SNW1: variants seen among roughly 807,000 people sequenced by gnomAD.
SNW1 encodes SNW domain-containing protein 1.
In SNW1, 9 loss-of-function variants were observed where a neutral mutation model predicts 75.6. The ratio of observed to expected loss-of-function variants is 0.12; its 90% confidence interval spans 0.07 to 0.21. The LOEUF is 0.21. Among genes scored for constraint, SNW1 ranks in the 10% least tolerant of loss-of-function variants. The pLI is 1.00. For synonymous variants in SNW1, 200 were observed against 219.1 expected, an observed-to-expected ratio of 0.91 and a Z score of 0.77; for missense variants, 409 against 670.9, an observed-to-expected ratio of 0.61 and a Z score of 4.31.
intron 3 of SNW1, among the ~76,000 whole-genome samples, chr14:77,749,444 C>T (rs533814799): frequency 3.6e-4 from 55 of 152,212 alleles, no homozygotes; most frequent in African/African-American, 1.3e-3. Flanking sequence ...CAGAACACTG[C>T]GAGTAGGTAC....
chr14:77,741,886 A>C (rs1370619623), intron 3 of SNW1, among the ~76,000 whole-genome samples: 2 of 152,182 alleles, frequency 1.3e-5, no homozygotes, highest in African/African-American at 2.4e-5. Context: ...AATTTAGCAT[A>C]CAAGAGTCAT....
intron 3 of SNW1, among the ~76,000 whole-genome samples, chr14:77,747,474 G>A (rs1354813447): frequency 6.6e-6 from 1 of 151,666 alleles, no homozygotes; most frequent in Non-Finnish European, 1.5e-5. Context: ...GAAGTGAGGA[G>A]CGTCTCTGCC....
At chr14:77,726,124 T>G (rs1347037670) in intron 10 of SNW1, among the ~76,000 whole-genome samples, 1 of 152,174 alleles carries the variant, frequency 6.6e-6, no homozygotes, top group African/African-American at 2.4e-5. Context: ...TGGGGTCTTT[T>G]GTGGTTCCAT....
chr14:77,747,675 G>A (rs558889860), intron 3 of SNW1, among the ~76,000 whole-genome samples: 15 of 151,040 alleles, frequency 9.9e-5, no homozygotes, highest in African/African-American at 3.4e-4. Context: ...GAGCGACTCC[G>A]CCCGGCAGCC....
chr14:77,750,012 G>C (rs945402642), intron 3 of SNW1, among the ~76,000 whole-genome samples: 1 of 152,026 alleles, frequency 6.6e-6, no homozygotes, highest in Non-Finnish European at 1.5e-5. Context: ...ACCAGCTTGA[G>C]TAACATAGGG....
In SNW1 at chr14:77,734,974, A is replaced by G; in HGVS notation, c.747T>C (p.Pro249=). 1 of 1,611,968 alleles carries G rather than the reference A, an allele frequency of 6.2e-7. No homozygotes were observed. Among genetic ancestry groups the G allele is most frequent in the East Asian group, 2.2e-5 (1 of 44,854 alleles). Residue 249 remains proline (P), a synonymous_variant, in exon 8 of 14, where the codon CCT becomes CCC. Coordinates refer to ENST00000261531, the MANE Select transcript of SNW1 (RefSeq NM_012245.3). ...VKEQQEWKIP[P]CISNWKNAKG... is the part of the protein sequence containing the mutation. ...TTGCATTTTTCCAGTTAGAAATACA[A>G]GGAGGAATCTTCCACTCTTGTTGTT... is the stretch of plus-strand genomic sequence containing the variant.
In SNW1 at chr14:77,736,526, G is replaced by C. The variant is rs187952814; in HGVS notation, c.638+445C>G. 9.4e-5 allele frequency among the ~76,000 whole-genome samples: 14 copies of C among 149,418 alleles called. No homozygotes were observed. The East Asian group carries it at 2.7e-3, about 29-fold the overall frequency. ...ATCATGCCACTGCACTCCAGCCTGG[G>C]TGACAGAGCGAGACTGTCTCTCAAA... On this transcript the variant is annotated intron_variant, in intron 6 of 13. Transcript: ENST00000261531.
At position 77,718,348 on chromosome 14, in the gene SNW1, G is replaced by A. The variant is rs867757272; in HGVS notation, c.1412+19C>T. On this transcript the variant is annotated intron_variant, in intron 13 of 13. Transcript: ENST00000261531. ...TTTCACCAGTGTAAACACTGAAATT[G>A]AGTTGTATGGCTTGGCACCTGTTGG... 2 of 1,614,160 alleles carry A rather than the reference G, an allele frequency of 1.2e-6. No homozygotes were observed. The highest frequency in any genetic ancestry group is 1.6e-4 in the Middle Eastern group (1 of 6,062).
intron 3 of SNW1, among the ~76,000 whole-genome samples, chr14:77,742,695 C>T (rs542594768): frequency 2.6e-5 from 4 of 151,852 alleles, no homozygotes; most frequent in African/African-American, 4.8e-5. Flanking sequence ...AGGGGTAATA[C>T]GTTGAAGGCA....
intron 3 of SNW1, among the ~76,000 whole-genome samples, chr14:77,743,220 C>T (rs928656752): frequency 3.4e-5 from 5 of 147,764 alleles, no homozygotes; most frequent in South Asian, 2.1e-4. Flanking sequence ...AGCAAAACTC[C>T]GTTTCAAAAA....
At chr14:77,749,327 G>A (rs1003547018) in intron 3 of SNW1, among the ~76,000 whole-genome samples, 4 of 152,202 alleles carry the variant, frequency 2.6e-5, no homozygotes, top group African/African-American at 9.6e-5. Context: ...GTTTAGGTGA[G>A]GTCATTTTGT....
At position 77,734,302 on chromosome 14, in the gene SNW1, T is replaced by C. The variant is rs2080652330; in HGVS notation, c.774+645A>G. On this transcript the variant is annotated intron_variant, in intron 8 of 13. Coordinates refer to ENST00000261531, the MANE Select transcript of SNW1 (RefSeq NM_012245.3). ...GCATTTACTCTGTTCTTTTGTCATA[T>C]AATCTTTTACATCAGTTTACTTTCT... is the stretch of plus-strand genomic sequence containing the variant. 2.0e-5 allele frequency among the ~76,000 whole-genome samples: 3 copies of C among 152,242 alleles called. No individual in the cohort carries two copies. The South Asian group carries it at 6.2e-4, about 31-fold the overall frequency.
At chr14:77,745,575 C>T (rs1220349465) in intron 3 of SNW1, among the ~76,000 whole-genome samples, 4 of 151,834 alleles carry the variant, frequency 2.6e-5, no homozygotes, top group Admixed American at 2.6e-4. Context: ...GGCATGGTGG[C>T]GGGCGCCTGT....
At chr14:77,745,580 G>A (rs2080754622) in intron 3 of SNW1, among the ~76,000 whole-genome samples, 1 of 151,890 alleles carries the variant, frequency 6.6e-6, no homozygotes, top group African/African-American at 2.4e-5. Context: ...GGTGGCGGGC[G>A]CCTGTAATCC....
At position 77,723,356 on chromosome 14, in the gene SNW1, A is replaced by C. The variant is rs980019671; in HGVS notation, c.1034-79T>G. ...ACGTGTACACGTGTGTATATATATA[A>C]TTTTTTAAAAAGAGACAGCATCTCA... On this transcript the variant is annotated intron_variant, in intron 10 of 13. Transcript: ENST00000261531. 3.3e-5 allele frequency: 36 copies of C among 1,092,756 alleles called. No individual in the cohort carries two copies. The Admixed American group carries it at 6.4e-4, about 19-fold the overall frequency. 67.7% of individuals were successfully genotyped at this position (1,092,756 alleles called of 1,614,324 possible).
chr14:77,718,080 A>C lies in SNW1; in HGVS notation c.*8T>G. ...GTAAGAGTTCATTCACTTTGGAGAG[A>C]CCTGTGCCTATTCCTTCCTCCTCTT... On this transcript the variant is annotated 3_prime_UTR_variant, in exon 14 of 14. Transcript: ENST00000261531. 6.4e-7 allele frequency: 1 copy of C among 1,563,308 alleles called. No homozygotes were observed. Among genetic ancestry groups the C allele is most frequent in the Non-Finnish European group, 8.7e-7 (1 of 1,155,428 alleles).
rs2080695618 is a variant in SNW1, at chr14:77,738,957, C to G, written c.426+9G>C. On this transcript the variant is annotated intron_variant, in intron 4 of 13. Coordinates refer to ENST00000261531, the MANE Select transcript of SNW1 (RefSeq NM_012245.3). ...TAAATAGTCATCGAATATATCAATT[C>G]CCAGTTACCTCTTTAATAGCTTCTT... 2 of 1,612,274 alleles carry G rather than the reference C, an allele frequency of 1.2e-6. No homozygotes were observed. The highest frequency in any genetic ancestry group is 1.7e-5 in the Admixed American group (1 of 60,000).
At chr14:77,724,989 C>A (rs1056869675) in intron 10 of SNW1, among the ~76,000 whole-genome samples, 3 of 152,174 alleles carry the variant, frequency 2.0e-5, no homozygotes, top group Non-Finnish European at 2.9e-5. Flanking sequence ...TGTTCCCCCC[C>A]TTCTGTATCC....
intron 1 of SNW1, among the ~76,000 whole-genome samples, chr14:77,760,175 A>G (rs182819718): frequency 4.2e-4 from 64 of 152,306 alleles, no homozygotes; most frequent in Middle Eastern, 3.4e-3. Flanking sequence ...AACCCCCAGG[A>G]CAGAGCAAGG....
Sources: gnomAD v4.1 joint callset for allele counts (sites outside exome capture counted in the v4.1 genomes callset) on GRCh38, gnomAD v4.1.1 for gene constraint, MANE v1.5 for transcripts, NCBI Gene and HGNC (gene_info 2026-07-23, HGNC 2026-07-21) for gene names.